The following TTF1 variants were observed in gnomAD, a reference collection of about 807,000 sequenced individuals.
The protein encoded by TTF1 is transcription termination factor, RNA polymerase I.
Under a neutral mutation model 80.2 loss-of-function variants are expected in TTF1, and 64 were observed. That is an observed-to-expected ratio of 0.80 (90% CI 0.65 to 0.98). The LOEUF is 0.98. TTF1 is among the 50% of genes least tolerant of loss of function. The pLI is 0.00. For synonymous variants in TTF1, 372 were observed against 382.7 expected (o/e 0.97, Z 0.33); for missense variants, 1,023 against 1,086.2 (o/e 0.94, Z 0.82).
At chr9:132,386,121 C>T (rs1216295147) in intron 9 of TTF1, among the ~76,000 whole-genome samples, 1 of 152,146 alleles carries the variant, frequency 6.6e-6, no homozygotes, top group Admixed American at 6.6e-5. Context: ...AAGGTCAACT[C>T]GACTGTATGG....
chr9:132,390,589 G>T lies in TTF1; in HGVS notation c.2222+8C>A. 6.2e-7 allele frequency: 1 copy of T among 1,612,210 alleles called. No homozygotes were observed. Among genetic ancestry groups the T allele is most frequent in the South Asian group, 1.1e-5 (1 of 90,998 alleles). Reference sequence around the variant, plus strand: ...GAGAGACAGAGAAAGAGAGAGGGAAGAACTTACCACTTACTTTTACACTGC... The same window carrying T: ...GAGAGACAGAGAAAGAGAGAGGGAATAACTTACCACTTACTTTTACACTGC... On this transcript the variant is annotated splice_region_variant and intron_variant, in intron 7 of 10. Transcript: ENST00000334270.
intron 10 of TTF1, among the ~76,000 whole-genome samples, chr9:132,377,791 G>GT (rs1849247857): frequency 9.1e-6 from 1 of 109,532 alleles, no homozygotes; most frequent in Non-Finnish European, 1.8e-5. Context: ...GAGTGCATGT[G>GT]GTGTGTGTGC....
Position 132,401,768 on chromosome 9 carries a change from T to G in TTF1, c.1054A>C (p.Ser352Arg). ...CCTTCAGGGTATGCACTCTCGAGGC[T>G]CTCAGGCATGGCCACTGCCTCAAAT... Reference protein sequence around the residue: ...QEFEAVAMPESLESAYPEGSQ... With the variant: ...QEFEAVAMPERLESAYPEGSQ... The change falls in exon 2 of 11, where the codon AGC becomes CGC. Residue 352 changes from serine (S) to arginine (R), a missense_variant. Physicochemically the swap from Ser to Arg is moderately radical, Grantham distance 110. Transcript: ENST00000334270. The G allele has an allele frequency of 6.2e-7, 1 of 1,613,908 alleles. No individual in the cohort carries two copies. Among genetic ancestry groups the G allele is most frequent in the East Asian group, 2.2e-5 (1 of 44,876 alleles).
At chr9:132,395,762 G>T (rs1849637068) in intron 5 of TTF1, among the ~76,000 whole-genome samples, 1 of 152,208 alleles carries the variant, frequency 6.6e-6, no homozygotes, top group African/African-American at 2.4e-5. Flanking sequence ...GCCTCTCAGA[G>T]AGAGGTCAAG....
chr9:132,391,089 T>C (rs891163735), intron 6 of TTF1, among the ~76,000 whole-genome samples: 2 of 152,238 alleles, frequency 1.3e-5, no homozygotes, highest in African/African-American at 4.8e-5. Context: ...TTCAAAACAG[T>C]TGTTCATCCT....
chr9:132,381,587 C>T (rs935704765), intron 9 of TTF1, among the ~76,000 whole-genome samples: 1 of 152,214 alleles, frequency 6.6e-6, no homozygotes, highest in African/African-American at 2.4e-5. Flanking sequence ...ACATCAGCGT[C>T]ACCTCCTTCA....
In TTF1 at chr9:132,402,026, G is replaced by A. The variant is rs1849773586; in HGVS notation, c.796C>T (p.Leu266=). 6.2e-7 allele frequency: 1 copy of A among 1,613,628 alleles called. No homozygotes were observed. The part of the protein sequence containing the change: ...TVGLDDETPQ[L]LGPTHKKKSK... ...TTTTTTTTGTGAGTAGGTCCTAGTA[G>A]TTGTGGAGTTTCATCATCCAAGCCC... is the stretch of plus-strand genomic sequence containing the variant. The change falls in exon 2 of 11, where the codon CTA becomes TTA. Residue 266 remains leucine, a synonymous_variant. Coordinates refer to ENST00000334270, the MANE Select transcript of TTF1 (RefSeq NM_007344.4).
chr9:132,377,468 G>T (rs1849224385), intron 10 of TTF1, among the ~76,000 whole-genome samples: 1 of 74,436 alleles, frequency 1.3e-5, no homozygotes, highest in African/African-American at 4.4e-5. Context: ...GAGTGCATGT[G>T]GTGTGTGTGA....
chr9:132,379,296 C>A (rs570415595), intron 9 of TTF1, 152 bp from the exon 10 acceptor site: 5 of 479,572 alleles, frequency 1.0e-5, no homozygotes, highest in African/African-American at 8.1e-5. Flanking sequence ...AAATATGACA[C>A]AATTTTTGTG....
chr9:132,402,933 G>A, intron 1 of TTF1, 105 bp from the exon 2 acceptor site: 2 of 1,123,056 alleles, frequency 1.8e-6, no homozygotes, highest in Non-Finnish European at 1.2e-6. Flanking sequence ...TCGGCTCACT[G>A]CAAGCTCCGC....
At position 132,388,198 on chromosome 9, in the gene TTF1, A is replaced by T. The variant is rs1470586998; in HGVS notation, c.2253T>A (p.Asn751Lys). 9 of 1,611,288 alleles carry T rather than the reference A, an allele frequency of 5.6e-6. No individual in the cohort carries two copies. The highest frequency in any genetic ancestry group is 7.6e-6 in the Non-Finnish European group (9 of 1,178,292). ...TCATGCCATAGTAGATACGCCGACCATTAGTCATCCTCTTGGTTAGAATTT... is the reference window on the plus strand; with the variant it reads ...TCATGCCATAGTAGATACGCCGACCTTTAGTCATCCTCTTGGTTAGAATTT... ...WTEILTKRMT[N>K]GRRIYYGMNA... is the part of the protein sequence containing the mutation. Residue 751 changes from asparagine (N) to lysine (K), a missense_variant, in exon 8 of 11, where the codon AAT (asparagine) becomes AAA (lysine). Asn to Lys is a moderately conservative substitution (Grantham distance 94). Coordinates refer to ENST00000334270, the MANE Select transcript of TTF1 (RefSeq NM_007344.4).
rs199597483 is a variant in TTF1 at position 132,390,688 on chromosome 9, T to G, written c.2131A>C (p.Ile711Leu). 7.4e-6 allele frequency: 12 copies of G among 1,614,250 alleles called. No individual in the cohort carries two copies. Among genetic ancestry groups the G allele is most frequent in the Non-Finnish European group, 9.3e-6 (11 of 1,180,042 alleles). Residue 711 changes from isoleucine to leucine, a missense_variant, in exon 7 of 11, where the codon ATT (isoleucine) becomes CTT (leucine). Transcript: ENST00000334270. ...CCCTTGTAGAGTTTTTCCCGAACAA[T>G]TGATAGGCAACTTTCAGGATTTTCT... ...LQENPESCLSIVREKLYKGIS... is the reference protein window; with the variant it reads ...LQENPESCLSLVREKLYKGIS...
At position 132,400,078 on chromosome 9, in the gene TTF1, C is replaced by T. The variant is rs1171768227; in HGVS notation, c.1548G>A (p.Met516Ile). The stretch of plus-strand genomic sequence containing the variant: ...TAAACCGTTCCAAGTCGTCCCGGTA[C>T]ATCCGCTTGATTGTGCTGGTGGCCC... ...KDRATSTIKR[M>I]YRDDLERFKE... Residue 516 changes from methionine (M) to isoleucine (I), a missense_variant, in exon 3 of 11, where the codon ATG becomes ATA. By Grantham distance (10) the Met-to-Ile change is conservative (BLOSUM62 1). Coordinates refer to ENST00000334270, the MANE Select transcript of TTF1 (RefSeq NM_007344.4). 6.2e-7 allele frequency: 1 copy of T among 1,614,118 alleles called. No homozygotes were observed. Among genetic ancestry groups the T allele is most frequent in the African/African-American group, 1.3e-5 (1 of 74,936 alleles).
rs1849417950 is a variant in TTF1 at position 132,384,086 on chromosome 9, A to G, written c.2378+2470T>C. ...TATGTAAAATTTACCAAAACAGATA[A>G]CAGTAATTGGAGGGAGTGAATGTAG... is the stretch of plus-strand genomic sequence containing the variant. On this transcript the variant is annotated intron_variant, in intron 9 of 10. Coordinates refer to ENST00000334270, the MANE Select transcript of TTF1 (RefSeq NM_007344.4). The surrounding 1 kb of genome is among the most constrained non-coding windows in gnomAD (Gnocchi z 4.1). Among the ~76,000 whole-genome samples the G allele has an allele frequency of 6.6e-6, 1 of 152,204 alleles. No individual in the cohort carries two copies. Among genetic ancestry groups the G allele is most frequent in the Non-Finnish European group, 1.5e-5 (1 of 68,036 alleles).
chr9:132,391,537 C>T (rs755256407), intron 6 of TTF1, among the ~76,000 whole-genome samples: 4 of 152,104 alleles, frequency 2.6e-5, no homozygotes, highest in African/African-American at 7.2e-5. Context: ...TAAGATTTTC[C>T]TCTAGTTCTT....
chr9:132,399,397 C>A (rs976027746), intron 3 of TTF1, among the ~76,000 whole-genome samples: 1 of 151,820 alleles, frequency 6.6e-6, no homozygotes, highest in African/African-American at 2.4e-5. Flanking sequence ...GGTTATGACT[C>A]CTCTTTTTAC....
Position 132,402,745 on chromosome 9 carries a change from T to A in TTF1, c.77A>T (p.Lys26Met). 1 of 1,612,940 alleles carries A rather than the reference T, an allele frequency of 6.2e-7. No homozygotes were observed. The highest frequency in any genetic ancestry group is 8.5e-7 in the Non-Finnish European group (1 of 1,179,762). Residue 26 changes from lysine to methionine, a missense_variant, in exon 2 of 11, where the codon AAG (lysine) becomes ATG (methionine). By Grantham distance (95) the Lys-to-Met change is moderately conservative. Coordinates refer to ENST00000334270, the MANE Select transcript of TTF1 (RefSeq NM_007344.4). ...GTGGGAATGTTTCTGAGGTCTTTCC[T>A]TATGTATAGAACACTTTTTCTTTTT... Reference protein sequence around the residue: ...DKKKKKCSIHKERPQKHSHEI... With the variant: ...DKKKKKCSIHMERPQKHSHEI...
In TTF1 at chr9:132,402,857, AT is replaced by A. The variant is rs746674316; in HGVS notation, c.-7-30del. On this transcript the variant is annotated intron_variant, in intron 1 of 10. Transcript: ENST00000334270. ...TATGGAAATGTGACAACAATGGTTT[AT>A]TTTTGCTTTTTTTTTGAGACGGAGT... 22 of 1,541,422 alleles carry A rather than the reference AT, an allele frequency of 1.4e-5. No homozygotes were observed. The South Asian group carries it at 2.2e-4, about 16-fold the overall frequency.
chr9:132,379,279 G>A, intron 9 of TTF1, 135 bp from the exon 10 acceptor site: 3 of 538,340 alleles, frequency 5.6e-6, no homozygotes, highest in Non-Finnish European at 9.3e-6. Flanking sequence ...TCATACATGT[G>A]TGATACAAAT....
Sources: gnomAD v4.1 joint callset for allele counts (sites outside exome capture counted in the v4.1 genomes callset) on GRCh38, gnomAD v4.1.1 for gene constraint, Gnocchi (gnomAD v3.1) non-coding constraint, MANE v1.5 for transcripts, NCBI Gene and HGNC (gene_info 2026-07-23, HGNC 2026-07-21) for gene names.